Variants in ADAMTS17 observed in about 807,000 individuals in gnomAD.
ADAMTS17 encodes ADAM metallopeptidase with thrombospondin type 1 motif 17.
ADAMTS17 carries 113 observed loss-of-function variants against 141.5 expected under a neutral mutation model. That is an observed-to-expected ratio of 0.80 (90% CI 0.69 to 0.93). The LOEUF is 0.93. Among genes scored for constraint, ADAMTS17 ranks in the 40% least tolerant of loss-of-function variants. ADAMTS17 has a pLI of 0.00. For missense variants in ADAMTS17, 1,659 were observed against 1,517.9 expected, an observed-to-expected ratio of 1.09 and a Z score of -1.54; for synonymous variants, 768 against 630.6, an observed-to-expected ratio of 1.22 and a Z score of -3.27.
chr15:100,333,767 T>C (rs1596545333), intron 2 of ADAMTS17, among the ~76,000 whole-genome samples: 1 of 152,224 alleles, frequency 6.6e-6, no homozygotes, highest in Admixed American at 6.5e-5. Context: ...GTCCAAGGCC[T>C]CTTCTGTCCC....
chr15:100,154,484 G>A (rs955936597), intron 9 of ADAMTS17, among the ~76,000 whole-genome samples: 31 of 152,114 alleles, frequency 2.0e-4, no homozygotes, highest in African/African-American at 7.0e-4. Flanking sequence ...GAGACTCGCC[G>A]ACTCACTGCT....
chr15:100,068,931 G>A (rs1369006454), intron 15 of ADAMTS17, among the ~76,000 whole-genome samples: 1 of 152,164 alleles, frequency 6.6e-6, no homozygotes, highest in Non-Finnish European at 1.5e-5. Context: ...GGCTTCAGAT[G>A]ATCAAACTAC....
At chr15:100,099,322 G>C (rs1261179145) in intron 14 of ADAMTS17, among the ~76,000 whole-genome samples, 2 of 152,294 alleles carry the variant, frequency 1.3e-5, no homozygotes, top group Non-Finnish European at 2.9e-5. Flanking sequence ...CACAAAATCT[G>C]CGAACGGGGG....
rs747449754 is a variant in ADAMTS17 at position 100,331,012 on chromosome 15, G to C, written c.493C>G (p.Pro165Ala). ...QLGQEQVLIQ[P>A]LNNSQGPFSG... Reference sequence around the variant, plus strand: ...AATGGGCCCTGGGAGTTGTTGAGGGGCTGGATTAGCACCTGCTCCTGCCCA... The same window carrying C: ...AATGGGCCCTGGGAGTTGTTGAGGGCCTGGATTAGCACCTGCTCCTGCCCA... The change falls in exon 3 of 22, where the codon CCC becomes GCC. Residue 165 changes from proline (P) to alanine (A), a missense_variant. By Grantham distance (27) the Pro-to-Ala change is conservative. Coordinates refer to ENST00000268070, the MANE Select transcript of ADAMTS17 (RefSeq NM_139057.4). 6.2e-7 allele frequency: 1 copy of C among 1,614,174 alleles called. No individual in the cohort carries two copies. The highest frequency in any genetic ancestry group is 1.3e-5 in the African/African-American group (1 of 75,028).
chr15:100,229,490 G>A (rs2042410818), intron 7 of ADAMTS17, among the ~76,000 whole-genome samples: 2 of 152,148 alleles, frequency 1.3e-5, no homozygotes, highest in Admixed American at 1.3e-4. Flanking sequence ...CAGTGGTTCT[G>A]CCTGTTGACC....
chr15:100,146,231 C>T (rs1194162653), intron 10 of ADAMTS17, among the ~76,000 whole-genome samples: 2 of 152,170 alleles, frequency 1.3e-5, no homozygotes. Context: ...TAATAGTATA[C>T]AGTTATGTGT....
chr15:100,118,941 C>A (rs2037306279), intron 12 of ADAMTS17, among the ~76,000 whole-genome samples: 1 of 152,006 alleles, frequency 6.6e-6, no homozygotes, highest in African/African-American at 2.4e-5. Flanking sequence ...GAAACAGGGT[C>A]AACAGGGCAC....
chr15:100,059,677 T>A, intron 15 of ADAMTS17, among the ~76,000 whole-genome samples: 1 of 152,128 alleles, frequency 6.6e-6, no homozygotes, highest in East Asian at 1.9e-4. Flanking sequence ...AACAATGACT[T>A]CATGGGGCCA....
At chr15:100,073,001 T>G (rs1196206053) in intron 15 of ADAMTS17, among the ~76,000 whole-genome samples, 2 of 152,138 alleles carry the variant, frequency 1.3e-5, no homozygotes, top group Non-Finnish European at 2.9e-5. Flanking sequence ...GGGAGAAAAT[T>G]TTTGTAATCT....
chr15:100,247,616 G>C (rs1320903533), intron 7 of ADAMTS17, among the ~76,000 whole-genome samples: 1 of 152,176 alleles, frequency 6.6e-6, no homozygotes, highest in Non-Finnish European at 1.5e-5. Context: ...ATATGTTTGT[G>C]TTTATGCATA....
At chr15:100,098,372 G>A (rs545080434) in intron 14 of ADAMTS17, among the ~76,000 whole-genome samples, 84 of 152,222 alleles carry the variant, frequency 5.5e-4, no homozygotes, top group Non-Finnish European at 6.5e-4. Flanking sequence ...GGGCTGGCCC[G>A]GTGCGGTGGC....
intron 4 of ADAMTS17, among the ~76,000 whole-genome samples, chr15:100,278,832 G>A (rs1016864684): frequency 5.9e-5 from 9 of 152,184 alleles, no homozygotes; most frequent in Non-Finnish European, 1.2e-4. Context: ...GGAAAGAAAG[G>A]CTTGACATGG....
intron 7 of ADAMTS17, among the ~76,000 whole-genome samples, chr15:100,212,994 T>C (rs1047393325): frequency 1.3e-5 from 2 of 151,858 alleles, no homozygotes; most frequent in African/African-American, 2.4e-5. Flanking sequence ...GTAAATAATA[T>C]AAAAAAAGAA....
Position 100,205,486 on chromosome 15 carries a change from T to A in ADAMTS17, c.1076-6063A>T, listed in dbSNP as rs1290483611. Among the ~76,000 whole-genome samples, 3 of 152,260 alleles carry A rather than the reference T, an allele frequency of 2.0e-5. No individual in the cohort carries two copies. In the Middle Eastern group the frequency reaches 0.01, roughly 518 times the overall value. Reference sequence around the variant, plus strand: ...ATTACCCACCTGCCAGAGAAGATGATGCTCGTGTCAGCAGGACCCATCACG... The same window carrying A: ...ATTACCCACCTGCCAGAGAAGATGAAGCTCGTGTCAGCAGGACCCATCACG... On this transcript the variant is annotated intron_variant, in intron 7 of 21. Coordinates refer to ENST00000268070, the MANE Select transcript of ADAMTS17 (RefSeq NM_139057.4).
chr15:100,321,649 G>A (rs557453942), intron 3 of ADAMTS17, among the ~76,000 whole-genome samples: 9 of 152,304 alleles, frequency 5.9e-5, no homozygotes, highest in Admixed American at 3.9e-4. Context: ...CTCACCAGCC[G>A]TACAGCTCAT....
Position 100,102,477 on chromosome 15 carries a change from T to C in ADAMTS17, c.2017-6001A>G, listed in dbSNP as rs12593789. ...AGGGGATCTACATTTGAGGGCCAACTGAAGGGGATCTACATTTGAGGGCCG... is the reference window on the plus strand; with the variant it reads ...AGGGGATCTACATTTGAGGGCCAACCGAAGGGGATCTACATTTGAGGGCCG... On this transcript the variant is annotated intron_variant, in intron 14 of 21. Coordinates refer to ENST00000268070, the MANE Select transcript of ADAMTS17 (RefSeq NM_139057.4). Among the ~76,000 whole-genome samples, 74 of 21,700 alleles carry C rather than the reference T, an allele frequency of 3.4e-3. 13 individuals carry two copies. Among genetic ancestry groups the C allele is most frequent in the East Asian group, 5.4e-3 (5 of 924 alleles). 14.2% of individuals were successfully genotyped at this position (21,700 alleles called of 152,430 possible).
chr15:100,060,275 A>G (rs2033012265), intron 15 of ADAMTS17, among the ~76,000 whole-genome samples: 2 of 152,320 alleles, frequency 1.3e-5, no homozygotes, highest in South Asian at 4.1e-4. Flanking sequence ...CAACAGTTAG[A>G]CTTCTGTGGG....
rs974205417 is a variant in ADAMTS17 at position 100,219,448 on chromosome 15, T to C, written c.1076-20025A>G. Among the ~76,000 whole-genome samples, 12 of 152,284 alleles carry C rather than the reference T, an allele frequency of 7.9e-5. No homozygotes were observed. The East Asian group carries it at 1.2e-3, about 15-fold the overall frequency. On this transcript the variant is annotated intron_variant, in intron 7 of 21. Transcript: ENST00000268070. ...TTTTCCTACTTATAAGAGTATAACA[T>C]GGTAGATATTCTCAAGAACACTGAA...
chr15:100,124,330 G>A (rs1476109067), intron 12 of ADAMTS17, among the ~76,000 whole-genome samples: 1 of 152,196 alleles, frequency 6.6e-6, no homozygotes, highest in African/African-American at 2.4e-5. Flanking sequence ...GGCTTGCATG[G>A]CTACTTCACA....
Sources: gnomAD v4.1 joint callset for allele counts (sites outside exome capture counted in the v4.1 genomes callset) on GRCh38, gnomAD v4.1.1 for gene constraint, MANE v1.5 for transcripts, NCBI Gene and HGNC (gene_info 2026-07-23, HGNC 2026-07-21) for gene names.